Variants in SERINC4 observed in about 807,000 individuals in gnomAD.
SERINC4 encodes serine incorporator 4.
In SERINC4, 52 loss-of-function variants were observed where a neutral mutation model predicts 52.0. That is an observed-to-expected ratio of 1.00 (90% CI 0.80 to 1.26). The LOEUF (loss-of-function observed/expected upper bound fraction) is 1.26. Among genes scored for constraint, SERINC4 ranks in the 50% most tolerant of loss-of-function variants. The pLI is 0.00. For synonymous variants in SERINC4, 264 were observed against 247.7 expected, an observed-to-expected ratio of 1.07 and a Z score of -0.62; for missense variants, 723 against 632.8, an observed-to-expected ratio of 1.14 and a Z score of -1.53.
chr15:43,799,843 TCCTC>T lies in SERINC4; in HGVS notation c.102+38_102+41del, dbSNP rs771600904. On this transcript the variant is annotated intron_variant, in intron 1 of 11. Coordinates refer to ENST00000319327, the MANE Select transcript of SERINC4 (RefSeq NM_001258031.2). ...CGTTTTTATTGGCTTCTGCACGTCT[TCCTC>T]CCCAGCTTCGGCCACTCTCCCCTTC... 82 of 1,428,176 alleles carry T rather than the reference TCCTC, an allele frequency of 5.7e-5. 1 individual carries two copies. Among genetic ancestry groups the T allele is most frequent in the South Asian group, 5.3e-4 (42 of 78,826 alleles). The allele number at this position is 1,428,176 out of a possible 1,614,324, so 88.5% of individuals were successfully genotyped here.
intron 8 of SERINC4, 169 bp downstream of exon 8, chr15:43,796,447 G>T: frequency 2.5e-6 from 2 of 786,536 alleles, no homozygotes; most frequent in Non-Finnish European, 4.1e-6. Flanking sequence ...ATCTCATACA[G>T]ATCATCTGAC....
chr15:43,798,525 AAAAC>A lies in SERINC4; in HGVS notation c.459-25_459-22del. On this transcript the variant is annotated intron_variant, in intron 3 of 11. Coordinates refer to ENST00000319327, the MANE Select transcript of SERINC4 (RefSeq NM_001258031.2). ...AGAAGCTGGTTAGGAGGGAGAAAGAAAAACAGACTCAGGAGAAAAGGCAAAGGAC... is the reference window on the plus strand; with the variant it reads ...AGAAGCTGGTTAGGAGGGAGAAAGAAAGACTCAGGAGAAAAGGCAAAGGAC... 3.2e-6 allele frequency: 5 copies of A among 1,583,802 alleles called. 1 individual carries two copies. In the South Asian group the frequency reaches 5.5e-5, roughly 18 times the overall value.
intron 3 of SERINC4, 120 bp from the exon 4 acceptor site, chr15:43,798,624 C>CAA: frequency 2.7e-6 from 2 of 751,310 alleles, no homozygotes; most frequent in Non-Finnish European, 4.6e-6. Flanking sequence ...GACGAGACAA[C>CAA]TAAGGAGGAA....
rs779244098 is a variant in SERINC4, at chr15:43,797,284, C to T, written c.705G>A (p.Met235Ile). Residue 235 changes from methionine to isoleucine, a missense_variant, in exon 6 of 12, where the codon ATG (methionine) becomes ATA (isoleucine). Physicochemically the swap from Met to Ile is conservative, Grantham distance 10 (BLOSUM62 1). Transcript: ENST00000319327. The part of the protein sequence containing the change: ...VLLATLGFYS[M>I]AGVGAVLLFH... The stretch of plus-strand genomic sequence containing the variant: ...ATAGGAGCACAGCTCCCACACCTGC[C>T]ATGCTGTAGAATCCTAGGGTGGCCA... 6.5e-7 allele frequency: 1 copy of T among 1,550,022 alleles called. No individual in the cohort carries two copies. The highest frequency in any genetic ancestry group is 1.2e-5 in the South Asian group (1 of 84,032).
At chr15:43,797,632 C>T in intron 5 of SERINC4, 1 of 509,548 alleles carries the variant, frequency 2.0e-6, no homozygotes, top group Non-Finnish European at 3.5e-6. Flanking sequence ...ACCTCATGAT[C>T]CACCCACCTC....
rs1187707554 is a variant in SERINC4 at position 43,795,712 on chromosome 15, G to T, written c.1165C>A (p.Pro389Thr). ...FQKPSLCFCC[P>T]ETVEADKGQR... is the part of the protein sequence containing the mutation. The stretch of plus-strand genomic sequence containing the variant: ...CCTTTGTCTGCCTCCACTGTTTCAG[G>T]GCAGCAGAAACACAGTGAGGGCTTC... Residue 389 changes from proline (P) to threonine (T), a missense_variant, in exon 10 of 12, where the codon CCT becomes ACT. By Grantham distance (38) the Pro-to-Thr change is conservative. Transcript: ENST00000319327. The T allele has an allele frequency of 1.9e-6, 3 of 1,614,066 alleles. No individual in the cohort carries two copies. Among genetic ancestry groups the T allele is most frequent in the Non-Finnish European group, 2.5e-6 (3 of 1,179,978 alleles).
chr15:43,797,098 G>A (rs1040309678), intron 6 of SERINC4, 47 bp downstream of exon 6: 1 of 1,513,088 alleles, frequency 6.6e-7, no homozygotes, highest in African/African-American at 1.4e-5. Flanking sequence ...AACTTGCTAT[G>A]CTTTTAAGGC....
chr15:43,795,023 C>T lies in SERINC4; in HGVS notation c.1534G>A (p.Asp512Asn). Residue 512 changes from aspartate to asparagine, a missense_variant, in exon 12 of 12, where the codon GAT (aspartate) becomes AAT (asparagine). Physicochemically the swap from Asp to Asn is conservative, Grantham distance 23 (BLOSUM62 1). Coordinates refer to ENST00000319327, the MANE Select transcript of SERINC4 (RefSeq NM_001258031.2). Reference protein sequence around the residue: ...RRRRHRIISPDNKYPPV With the variant: ...RRRRHRIISPNNKYPPV ...ACTTAGACTGGAGGATATTTGTTATCTGGGGATATGATGCGGTGGCGGCGG... is the reference window on the plus strand; with the variant it reads ...ACTTAGACTGGAGGATATTTGTTATTTGGGGATATGATGCGGTGGCGGCGG... 1.9e-6 allele frequency: 3 copies of T among 1,611,126 alleles called. No individual in the cohort carries two copies. The highest frequency in any genetic ancestry group is 1.3e-5 in the African/African-American group (1 of 74,884).
Position 43,796,945 on chromosome 15 carries a change from G to A in SERINC4, c.845-5C>T. ...GGAGGCCAGAGCGGGGTTGCTCTGG[G>A]GAGTAAGTATAATTGCTTTAGTCTA... is the stretch of plus-strand genomic sequence containing the variant. On this transcript the variant is annotated splice_region_variant and splice_polypyrimidine_tract_variant and intron_variant, in intron 6 of 11. Coordinates refer to ENST00000319327, the MANE Select transcript of SERINC4 (RefSeq NM_001258031.2). The A allele has an allele frequency of 1.2e-6, 2 of 1,610,136 alleles. No homozygotes were observed. Among genetic ancestry groups the A allele is most frequent in the South Asian group, 1.1e-5 (1 of 90,918 alleles).
At chr15:43,797,540 C>T in intron 5 of SERINC4, 184 bp from the exon 6 acceptor site, 2 of 580,904 alleles carry the variant, frequency 3.4e-6, no homozygotes, top group South Asian at 2.0e-5. Flanking sequence ...TTACAGGCAC[C>T]TACCACCATG....
At position 43,798,015 on chromosome 15, in the gene SERINC4, T is replaced by G; in HGVS notation, c.539-2A>C. The G allele has an allele frequency of 6.2e-7, 1 of 1,606,910 alleles. No homozygotes were observed. Among genetic ancestry groups the G allele is most frequent in the South Asian group, 1.1e-5 (1 of 90,348 alleles). On this transcript the variant is annotated splice_acceptor_variant, in intron 4 of 11. Transcript: ENST00000319327. LOFTEE classifies it high-confidence loss of function. ...CACAGATGCCAATGTAATGCCATGC[T>G]GCAAGATGGGCACCAGTGGAAAAAT...
At position 43,799,037 on chromosome 15, in the gene SERINC4, G is replaced by T. The variant is rs2087266915; in HGVS notation, c.380C>A (p.Ala127Asp). Residue 127 changes from alanine to aspartate, a missense_variant, in exon 3 of 12, where the codon GCC becomes GAC. Ala to Asp is a moderately radical substitution (Grantham distance 126). Transcript: ENST00000319327. The part of the protein sequence containing the change: ...GAVYRVCAGT[A>D]TFHLLQAVLL... ...CACAGCCTGCAGCAGGTGGAAGGTG[G>T]CGGTTCCTGCACATACTCGGTACAC... 1.3e-6 allele frequency: 2 copies of T among 1,550,398 alleles called. No individual in the cohort carries two copies. The highest frequency in any genetic ancestry group is 1.7e-6 in the Non-Finnish European group (2 of 1,146,982).
chr15:43,798,545 G>C (rs754678549), intron 3 of SERINC4, 41 bp from the exon 4 acceptor site: 63 of 1,480,168 alleles, frequency 4.3e-5, no homozygotes, highest in Non-Finnish European at 5.6e-5. Context: ...CAGGAGAAAA[G>C]GCAAAGGACA....
chr15:43,797,865 G>T, intron 5 of SERINC4, 55 bp downstream of exon 5: 1 of 1,281,190 alleles, frequency 7.8e-7, no homozygotes, highest in Non-Finnish European at 1.1e-6. Flanking sequence ...CCCTTTCCAT[G>T]TAGTAATACT....
rs1470040999 is a variant in SERINC4, at chr15:43,796,899, A to G, written c.886T>C (p.Cys296Arg). The change falls in exon 7 of 12, where the codon TGC becomes CGC. Residue 296 changes from cysteine (C) to arginine (R), a missense_variant. By Grantham distance (180) the Cys-to-Arg change is radical. Transcript: ENST00000319327. ...SGLLQASVIS[C>R]YIMYLTFSAL... ...GAGAAAGTCAGATACATGATATAGC[A>G]GCTGATGACAGAAGCTTGTAGGAGG... 1 of 1,614,132 alleles carries G rather than the reference A, an allele frequency of 6.2e-7. No individual in the cohort carries two copies.
intron 10 of SERINC4, 40 bp from the exon 11 acceptor site, chr15:43,795,581 AAC>A (rs1466813345): frequency 6.2e-7 from 1 of 1,613,282 alleles, no homozygotes; most frequent in Admixed American, 1.7e-5. Flanking sequence ...GAGCTGCTGA[AAC>A]ACCTCTTCCC....
chr15:43,795,800 C>T, intron 9 of SERINC4, 64 bp from the exon 10 acceptor site: 1 of 1,544,528 alleles, frequency 6.5e-7, no homozygotes, highest in Non-Finnish European at 8.8e-7. Context: ...ATCTAGGAAA[C>T]TTCCCCCGTG....
At chr15:43,798,253 G>A (rs933977513) in intron 4 of SERINC4, 172 bp downstream of exon 4, 7 of 646,172 alleles carry the variant, frequency 1.1e-5, no homozygotes, top group Non-Finnish European at 2.0e-5. Flanking sequence ...GTTTCACCAT[G>A]TTAGCCAGGA....
Position 43,797,372 on chromosome 15 carries a change from G to A in SERINC4, c.633-16C>T. On this transcript the variant is annotated splice_polypyrimidine_tract_variant and intron_variant, in intron 5 of 11. Coordinates refer to ENST00000319327, the MANE Select transcript of SERINC4 (RefSeq NM_001258031.2). ...ACCTGTCTGCCTAAGGGTGGAAAGT[G>A]GGCAATGGCTTGGAGCTCCAGCATT... The A allele has an allele frequency of 5.2e-6, 8 of 1,539,630 alleles. No individual in the cohort carries two copies. The highest frequency in any genetic ancestry group is 7.0e-6 in the Non-Finnish European group (8 of 1,142,238).
Sources: gnomAD v4.1 joint callset for allele counts on GRCh38, gnomAD v4.1.1 for gene constraint, MANE v1.5 for transcripts, NCBI Gene and HGNC (gene_info 2026-07-23, HGNC 2026-07-21) for gene names.